CXADR: variants seen among roughly 807,000 people sequenced by gnomAD.
CXADR encodes the protein CXADR cell adhesion molecule, also known as coxsackievirus and adenovirus receptor.
In CXADR, 20 loss-of-function variants were observed where a neutral mutation model predicts 40.3. The ratio of observed to expected loss-of-function variants is 0.50; its 90% CI spans 0.35 to 0.72. The LOEUF is 0.72. CXADR is among the 30% of genes least tolerant of loss of function. The pLI, the probability that CXADR is intolerant of heterozygous loss-of-function variation, is 0.01. For synonymous variants in CXADR, 150 were observed against 161.3 expected, an observed-to-expected ratio of 0.93 and a Z score of 0.53; for missense variants, 332 against 449.1, an observed-to-expected ratio of 0.74 and a Z score of 2.36.
chr21:17,565,282 GACAC>G (rs6147430), intron 6 of CXADR, 142 bp from the exon 7 acceptor site: 125,042 of 799,930 alleles, frequency 0.16, 4,984 homozygotes, highest in African/African-American at 0.18. Flanking sequence ...GCTTTTTTGT[GACAC>G]ACACACACAC....
chr21:17,533,459 C>T (rs1300867753), intron 1 of CXADR, among the ~76,000 whole-genome samples: 2 of 152,080 alleles, frequency 1.3e-5, no homozygotes, highest in Non-Finnish European at 2.9e-5. Context: ...GTATGATGTT[C>T]GTGGATTGAC....
At chr21:17,515,053 A>T (rs2060442861) in intron 1 of CXADR, among the ~76,000 whole-genome samples, 1 of 152,084 alleles carries the variant, frequency 6.6e-6, no homozygotes, top group South Asian at 2.1e-4. Flanking sequence ...CATTGTGCTC[A>T]TAAGGTATAC....
At chr21:17,554,041 T>A (rs1195633721) in intron 3 of CXADR, among the ~76,000 whole-genome samples, 1 of 152,234 alleles carries the variant, frequency 6.6e-6, no homozygotes, top group East Asian at 1.9e-4. Flanking sequence ...ATTAACTGGT[T>A]CATGATATGC....
At chr21:17,530,434 G>A in intron 1 of CXADR, 2 of 456,070 alleles carry the variant, frequency 4.4e-6, no homozygotes, top group Non-Finnish European at 8.8e-6. Flanking sequence ...ATTGCTGTGT[G>A]ATATTCTATT....
At chr21:17,518,731 G>C (rs2060491997) in intron 1 of CXADR, 6 of 1,598,818 alleles carry the variant, frequency 3.8e-6, no homozygotes, top group South Asian at 1.1e-5. Context: ...TTTGGCTTCT[G>C]CATGACCAGT....
At chr21:17,592,493 TAAATTC>T (rs2061446794) in intron 7 of CXADR, among the ~76,000 whole-genome samples, 1 of 151,852 alleles carries the variant, frequency 6.6e-6, no homozygotes, top group African/African-American at 2.4e-5. Flanking sequence ...AAGCAATAAA[TAAATTC>T]TGTCTGCTAA....
the CXADR span, among the ~76,000 whole-genome samples, chr21:17,609,391 T>G: frequency 1.3e-5 from 2 of 152,332 alleles, no homozygotes; most frequent in South Asian, 2.1e-4. Flanking sequence ...TCCATAAAGA[T>G]AGCACGTTGC....
downstream of CXADR, among the ~76,000 whole-genome samples, chr21:17,595,827 TAGA>T (rs1308996421): frequency 1.3e-5 from 2 of 152,062 alleles, no homozygotes; most frequent in Admixed American, 6.6e-5. Flanking sequence ...TGCTGAGTAA[TAGA>T]AGAGTTACAC....
the CXADR span, among the ~76,000 whole-genome samples, chr21:17,599,489 T>TC: frequency 0.021 from 3,136 of 150,678 alleles, 113 homozygotes; most frequent in African/African-American, 0.071. Flanking sequence ...TTTTTTTTTT[T>TC]TTTTTGAGAC....
At chr21:17,543,313 G>A (rs758026804) in intron 1 of CXADR, among the ~76,000 whole-genome samples, 5 of 152,150 alleles carry the variant, frequency 3.3e-5, no homozygotes, top group African/African-American at 7.2e-5. Flanking sequence ...TGTATCAAAC[G>A]AGAAAGAAAG....
the CXADR span, chr21:17,603,994 T>G: frequency 2.0e-6 from 1 of 490,130 alleles, no homozygotes; most frequent in Non-Finnish European, 2.9e-6. Context: ...CAACTGAGAG[T>G]GCCTGGTCCA....
chr21:17,598,006 A>G (rs2061525463), downstream of CXADR, among the ~76,000 whole-genome samples: 1 of 152,214 alleles, frequency 6.6e-6, no homozygotes, highest in South Asian at 2.1e-4. Flanking sequence ...TTAAATTGTT[A>G]TGACTTTAAA....
the CXADR span, among the ~76,000 whole-genome samples, chr21:17,627,929 GTTTC>G: frequency 6.6e-6 from 1 of 152,274 alleles, no homozygotes; most frequent in Non-Finnish European, 1.5e-5. Flanking sequence ...TAGTTCAGTA[GTTTC>G]TTTCTTTTAG....
the CXADR span, among the ~76,000 whole-genome samples, chr21:17,625,777 T>C: frequency 1.3e-5 from 2 of 152,364 alleles, no homozygotes; most frequent in East Asian, 3.9e-4. Flanking sequence ...ACCTTAAATC[T>C]ACAGATGATT....
rs149754542 is a variant in CXADR, at chr21:17,560,187, G to A, written c.572-515G>A. Reference sequence around the variant, plus strand: ...CCTATTTGTTATAATTGACTTCTTAGTTCAAACTGATGACCAGGCTCCACC... The same window carrying A: ...CCTATTTGTTATAATTGACTTCTTAATTCAAACTGATGACCAGGCTCCACC... On this transcript the variant is annotated intron_variant, in intron 4 of 6. Transcript: ENST00000284878. Among the ~76,000 whole-genome samples the A allele has an allele frequency of 1.7e-4, 26 of 152,218 alleles. No individual in the cohort carries two copies. In the East Asian group the frequency reaches 4.8e-3, roughly 28 times the overall value.
chr21:17,548,011 A>G (rs1168225196), intron 2 of CXADR, among the ~76,000 whole-genome samples: 1 of 152,166 alleles, frequency 6.6e-6, no homozygotes, highest in Non-Finnish European at 1.5e-5. Flanking sequence ...TGGTTCTAGA[A>G]TACTTTATTT....
chr21:17,622,112 A>G, the CXADR span, among the ~76,000 whole-genome samples: 31 of 152,338 alleles, frequency 2.0e-4, no homozygotes, highest in Non-Finnish European at 3.1e-4. Flanking sequence ...CTCCTTTAAT[A>G]CAGGCAACAT....
At chr21:17,587,200 C>T (rs1486268500) in intron 7 of CXADR, among the ~76,000 whole-genome samples, 9 of 152,154 alleles carry the variant, frequency 5.9e-5, no homozygotes, top group Admixed American at 1.3e-4. Flanking sequence ...AATAAACCTA[C>T]GTGTGCATGT....
the CXADR span, among the ~76,000 whole-genome samples, chr21:17,605,862 T>C: frequency 0.022 from 3,310 of 152,270 alleles, 113 homozygotes; most frequent in African/African-American, 0.073. Context: ...ATCCTAGTAT[T>C]TATCAGGTAA....
Sources: allele counts gnomAD v4.1 joint callset (sites outside exome capture counted in the v4.1 genomes callset), GRCh38; gene constraint gnomAD v4.1.1; transcripts MANE v1.5; gene names NCBI Gene and HGNC (gene_info 2026-07-23, HGNC 2026-07-21).